Variants in NRXN1 observed in about 807,000 individuals in gnomAD.
The protein encoded by NRXN1 is neurexin-1.
NRXN1 carries 39 observed loss-of-function variants against 150.9 expected under a neutral mutation model. That is an observed-to-expected ratio of 0.26 (90% CI 0.20 to 0.34). NRXN1 has a LOEUF of 0.34. Among genes scored for constraint, NRXN1 ranks in the 10% least tolerant of loss-of-function variants. The pLI is 1.00. For synonymous variants in NRXN1, 924 were observed against 757.0 expected, an observed-to-expected ratio of 1.22 and a Z score of -3.62; for missense variants, 1,815 against 1,949.9, an observed-to-expected ratio of 0.93 and a Z score of 1.30.
intron 5 of NRXN1, among the ~76,000 whole-genome samples, chr2:50,793,232 C>T (rs1378723010): frequency 6.6e-6 from 1 of 151,952 alleles, no homozygotes; most frequent in Non-Finnish European, 1.5e-5. Context: ...GATGAAAGCC[C>T]ATCATAGTTA....
rs1558833833 is a variant in NRXN1 at position 50,497,524 on chromosome 2, T to C, written c.2688A>G (p.Arg896=). ...CTGCTATGATGTTCCTGAAGCCAAA[T>C]CTGGCATTAAGCTCACAGTAATCTA... is the stretch of plus-strand genomic sequence containing the variant. ...GDIDYCELNA[R]FGFRNIIADP... Residue 896 remains arginine (R), a synonymous_variant, in exon 14 of 23, where the codon AGA becomes AGG. Transcript: ENST00000401669. The C allele has an allele frequency of 2.5e-6, 4 of 1,613,930 alleles. No individual in the cohort carries two copies. The Admixed American group carries it at 6.7e-5, about 27-fold the overall frequency.
chr2:50,740,451 T>C (rs1699295707), intron 5 of NRXN1, among the ~76,000 whole-genome samples: 1 of 152,196 alleles, frequency 6.6e-6, no homozygotes, highest in Non-Finnish European at 1.5e-5. Context: ...GCCAATATGC[T>C]GAAGATGGCA....
At chr2:50,043,404 G>C (rs139275929) in intron 21 of NRXN1, among the ~76,000 whole-genome samples, 114 of 152,288 alleles carry the variant, frequency 7.5e-4, no homozygotes, top group African/African-American at 2.7e-3. Context: ...ATTACCAACT[G>C]CTAGTTAATG....
chr2:49,982,224 A>G (rs1270058387), intron 21 of NRXN1, among the ~76,000 whole-genome samples: 1 of 152,196 alleles, frequency 6.6e-6, no homozygotes, highest in East Asian at 1.9e-4. Flanking sequence ...TGAGATGAAT[A>G]GATTATCAAT....
At chr2:50,759,840 G>C (rs1701591501) in intron 5 of NRXN1, among the ~76,000 whole-genome samples, 2 of 137,854 alleles carry the variant, frequency 1.5e-5, no homozygotes, top group Admixed American at 7.3e-5. Context: ...GTGTGTGTGT[G>C]TGTGTGTGTG....
In NRXN1 at chr2:50,613,441, G is replaced by A. The variant is rs898824992; in HGVS notation, c.1320+6581C>T. Among the ~76,000 whole-genome samples, 99 of 152,284 alleles carry A rather than the reference G, an allele frequency of 6.5e-4. 1 individual carries two copies. The highest frequency in any genetic ancestry group is 1.3e-3 in the Non-Finnish European group (87 of 68,020). On this transcript the variant is annotated intron_variant, in intron 8 of 22. Coordinates refer to ENST00000401669, the MANE Select transcript of NRXN1 (RefSeq NM_001330078.2). ...CCCATTCCAGCTGACACAACAAAAT[G>A]ACATACTGTATAGTGCATACTGATC...
intron 5 of NRXN1, among the ~76,000 whole-genome samples, chr2:50,804,028 T>C (rs1667186691): frequency 6.6e-6 from 1 of 152,190 alleles, no homozygotes; most frequent in Admixed American, 6.5e-5. Flanking sequence ...ACCAAGCCCT[T>C]GCAATATCCA....
At chr2:50,504,140 T>TA (rs70948715) in intron 13 of NRXN1, among the ~76,000 whole-genome samples, 67,511 of 112,228 alleles carry the variant, frequency 0.6, 21,601 homozygotes, top group Non-Finnish European at 0.72. Context: ...ACATGACAAC[T>TA]AAAAAAAAAA....
At chr2:50,301,296 A>G (rs1197982733) in intron 17 of NRXN1, among the ~76,000 whole-genome samples, 1 of 152,196 alleles carries the variant, frequency 6.6e-6, no homozygotes, top group African/African-American at 2.4e-5. Flanking sequence ...ACATAAGACT[A>G]TAATTTAAAA....
At chr2:50,543,357 G>T (rs1202327098) in intron 9 of NRXN1, among the ~76,000 whole-genome samples, 1 of 152,022 alleles carries the variant, frequency 6.6e-6, no homozygotes, top group East Asian at 1.9e-4. Flanking sequence ...AGGGTTTCAT[G>T]CTTCACTATT....
chr2:50,520,942 CAT>C, intron 12 of NRXN1, among the ~76,000 whole-genome samples: 1 of 152,086 alleles, frequency 6.6e-6, no homozygotes, highest in Admixed American at 6.5e-5. Context: ...AACTTTAAGA[CAT>C]GTCATTACAG....
chr2:50,452,199 G>T (rs2104541064), intron 17 of NRXN1, among the ~76,000 whole-genome samples: 1 of 152,290 alleles, frequency 6.6e-6, no homozygotes, highest in East Asian at 1.9e-4. Flanking sequence ...CCATTAATCA[G>T]ATTTCTTTTT....
At chr2:50,139,791 GA>G (rs1707002338) in intron 18 of NRXN1, among the ~76,000 whole-genome samples, 1 of 152,036 alleles carries the variant, frequency 6.6e-6, no homozygotes, top group Non-Finnish European at 1.5e-5. Flanking sequence ...ACATTTATAA[GA>G]TTTTTTGCAA....
chr2:50,507,335 A>G (rs2092277328), intron 12 of NRXN1, among the ~76,000 whole-genome samples: 1 of 151,998 alleles, frequency 6.6e-6, no homozygotes, highest in Non-Finnish European at 1.5e-5. Context: ...GTGTAGGTAT[A>G]AGTATTGACT....
chr2:51,024,400 TC>T (rs1340318395), intron 2 of NRXN1, among the ~76,000 whole-genome samples: 1 of 151,952 alleles, frequency 6.6e-6, no homozygotes, highest in Non-Finnish European at 1.5e-5. Flanking sequence ...CTGAAAATAA[TC>T]TCAACCCGAA....
intron 17 of NRXN1, among the ~76,000 whole-genome samples, chr2:50,337,374 C>T (rs915683800): frequency 5.3e-5 from 8 of 151,928 alleles, no homozygotes; most frequent in Non-Finnish European, 7.4e-5. Flanking sequence ...CGTGAGCCAC[C>T]GCACCTGGCC....
At chr2:50,217,670 C>T (rs2063498015) in intron 18 of NRXN1, among the ~76,000 whole-genome samples, 1 of 151,962 alleles carries the variant, frequency 6.6e-6, no homozygotes, top group Non-Finnish European at 1.5e-5. Flanking sequence ...GTCTGTGGAG[C>T]AAGTCTGTCA....
chr2:50,901,524 G>A (rs983914769), intron 5 of NRXN1, among the ~76,000 whole-genome samples: 4 of 152,192 alleles, frequency 2.6e-5, no homozygotes, highest in African/African-American at 4.8e-5. Flanking sequence ...GTGACAGAGC[G>A]AGACTCCGTC....
chr2:50,305,414 T>C (rs2074524765), intron 17 of NRXN1, among the ~76,000 whole-genome samples: 1 of 152,232 alleles, frequency 6.6e-6, no homozygotes, highest in African/African-American at 2.4e-5. Context: ...ATGTTTTTAA[T>C]ATAGTCTTGT....
Sources: gnomAD v4.1 joint callset for allele counts (sites outside exome capture counted in the v4.1 genomes callset) on GRCh38, gnomAD v4.1.1 for gene constraint, MANE v1.5 for transcripts, NCBI Gene and HGNC (gene_info 2026-07-23, HGNC 2026-07-21) for gene names.